ZWILCH: variants seen among roughly 807,000 people sequenced by gnomAD.
ZWILCH encodes the protein zwilch kinetochore protein, also known as protein zwilch homolog.
A neutral mutation model predicts 79.9 loss-of-function variants in ZWILCH; 74 were observed. The ratio of observed to expected loss-of-function variants is 0.93; its 90% confidence interval spans 0.77 to 1.12. The LOEUF (loss-of-function observed/expected upper bound fraction) is 1.12. Among genes scored for constraint, ZWILCH ranks in the 50% most tolerant of loss-of-function variants. The probability of loss-of-function intolerance (pLI) is 0.00; values close to 1 mark genes in which losing one functional copy is unlikely to be tolerated. For missense variants in ZWILCH, 694 were observed against 687.5 expected (o/e 1.01, Z -0.11); for synonymous variants, 241 against 228.2 (o/e 1.06, Z -0.51).
chr15:66,537,064 A>G (rs1895037407), intron 15 of ZWILCH, 104 bp from the exon 16 acceptor site: 13 of 700,988 alleles, frequency 1.9e-5, no homozygotes, highest in Admixed American at 5.2e-5. Flanking sequence ...TGTTTTAGTT[A>G]GTAGTACTCA....
intron 10 of ZWILCH, among the ~76,000 whole-genome samples, chr15:66,528,461 G>T (rs535638869): frequency 6.6e-6 from 1 of 152,238 alleles, no homozygotes; most frequent in South Asian, 2.1e-4. Flanking sequence ...TTGCTCAATT[G>T]CAGAGAAGTA....
intron 12 of ZWILCH, among the ~76,000 whole-genome samples, chr15:66,531,551 C>T (rs1430445566): frequency 5.9e-5 from 9 of 152,058 alleles, no homozygotes; most frequent in Non-Finnish European, 1.3e-4. Flanking sequence ...GCCTCTGCCT[C>T]CCAGGCTCAA....
At chr15:66,530,982 G>C (rs1894834689) in intron 12 of ZWILCH, among the ~76,000 whole-genome samples, 1 of 152,140 alleles carries the variant, frequency 6.6e-6, no homozygotes, top group African/African-American at 2.4e-5. Flanking sequence ...TGTACTATTA[G>C]TGCAAACAAA....
At chr15:66,529,900 TATAC>T (rs1894807814) in intron 12 of ZWILCH, among the ~76,000 whole-genome samples, 1 of 152,250 alleles carries the variant, frequency 6.6e-6, no homozygotes, top group African/African-American at 2.4e-5. Context: ...AGTATTCTCA[TATAC>T]TACTGATGAG....
At chr15:66,542,308 G>T (rs556742402) in intron 17 of ZWILCH, among the ~76,000 whole-genome samples, 1 of 152,080 alleles carries the variant, frequency 6.6e-6, no homozygotes, top group South Asian at 2.1e-4. Flanking sequence ...AAAAAAGGCC[G>T]GGCGCGGGGG....
At position 66,532,418 on chromosome 15, in the gene ZWILCH, TG is replaced by T; in HGVS notation, c.1312+17del. On this transcript the variant is annotated intron_variant, in intron 13 of 18. Coordinates refer to ENST00000307897, the MANE Select transcript of ZWILCH (RefSeq NM_017975.5). Reference sequence around the variant, plus strand: ...TTTTTTCATAGGTAAGTATCTTTCCTGGCTCAAAAAATTAAAAAACACATCA... The same window carrying T: ...TTTTTTCATAGGTAAGTATCTTTCCTGCTCAAAAAATTAAAAAACACATCA... 1 of 1,586,938 alleles carries T rather than the reference TG, an allele frequency of 6.3e-7. No individual in the cohort carries two copies. The highest frequency in any genetic ancestry group is 8.5e-7 in the Non-Finnish European group (1 of 1,170,266).
chr15:66,509,028 C>T (rs1893930212), intron 2 of ZWILCH, 136 bp downstream of exon 2: 1 of 871,236 alleles, frequency 1.1e-6, no homozygotes, highest in African/African-American at 1.7e-5. Context: ...CAAGCTCCGG[C>T]TCCCGGGTTC....
chr15:66,519,160 TA>T (rs1220981169), intron 5 of ZWILCH, 82 bp downstream of exon 5: 1 of 1,389,996 alleles, frequency 7.2e-7, no homozygotes, highest in Non-Finnish European at 1.0e-6. Flanking sequence ...CGAAAATTGA[TA>T]TTGTTATGAT....
In ZWILCH at chr15:66,523,748, T is replaced by C. The variant is rs1894583639; in HGVS notation, c.819T>C (p.Leu273=). The change falls in exon 8 of 19, where the codon CTT becomes CTC. Residue 273 remains leucine (L), a splice_region_variant and synonymous_variant. Coordinates refer to ENST00000307897, the MANE Select transcript of ZWILCH (RefSeq NM_017975.5). ...TCTACAGAGAACTGAAATTTCTTCTTGTGAGTATCCTTCTAGAATTCCTTT... is the reference window on the plus strand; with the variant it reads ...TCTACAGAGAACTGAAATTTCTTCTCGTGAGTATCCTTCTAGAATTCCTTT... The part of the protein sequence containing the change: ...NHLYRELKFL[L]VLADGLRTGV... The C allele has an allele frequency of 3.1e-6, 5 of 1,602,104 alleles. No homozygotes were observed. The South Asian group carries it at 3.3e-5, about 11-fold the overall frequency.
rs60304849 is a variant in ZWILCH at position 66,518,841 on chromosome 15, ATC to A, written c.321-34_321-33del. 0.014 allele frequency: 22,467 copies of A among 1,567,824 alleles called. 2,705 individuals carry two copies. The African/African-American group carries it at 0.27, about 19-fold the overall frequency. On this transcript the variant is annotated intron_variant, in intron 4 of 18. Transcript: ENST00000307897. ...AATTAAAGAAATTCTTGAATTGGAA[ATC>A]TCTATCTATAATTTGTCCTTACTCT...
chr15:66,528,272 T>A (rs1894746851), intron 10 of ZWILCH, among the ~76,000 whole-genome samples: 1 of 152,124 alleles, frequency 6.6e-6, no homozygotes, highest in South Asian at 2.1e-4. Flanking sequence ...TCTGGCTAAT[T>A]TTTAAATATT....
intron 5 of ZWILCH, 56 bp downstream of exon 5, chr15:66,519,134 G>A: frequency 1.3e-6 from 2 of 1,554,940 alleles, no homozygotes; most frequent in Non-Finnish European, 1.8e-6. Flanking sequence ...TATAGTTATT[G>A]TTTCATGTTT....
intron 13 of ZWILCH, 107 bp downstream of exon 13, chr15:66,532,510 TC>T (rs1894887933): frequency 1.1e-5 from 11 of 1,002,336 alleles, no homozygotes; most frequent in Non-Finnish European, 1.6e-5. Context: ...CTGTAGTCCT[TC>T]CTGGCTTTGT....
In ZWILCH at chr15:66,532,318, T is replaced by G. The variant is rs1894878278; in HGVS notation, c.1227T>G (p.Val409=). ...CTTATCATGGAACCATGGACACAGT[T>G]TCTCTCAGTGGGACTATTCCAGTTC... The part of the protein sequence containing the change: ...HQSYHGTMDT[V]SLSGTIPVQM... The change falls in exon 13 of 19, where the codon GTT becomes GTG. Residue 409 remains valine, a synonymous_variant. Transcript: ENST00000307897. 6.8e-6 allele frequency: 11 copies of G among 1,613,152 alleles called. No individual in the cohort carries two copies. The highest frequency in any genetic ancestry group is 8.5e-6 in the Non-Finnish European group (10 of 1,179,556).
intron 15 of ZWILCH, among the ~76,000 whole-genome samples, 194 bp from the exon 16 acceptor site, chr15:66,536,973 GA>G (rs1268024915): frequency 1.3e-5 from 2 of 151,924 alleles, no homozygotes; most frequent in African/African-American, 2.4e-5. Context: ...TGTTTTCAAA[GA>G]AAAAAACATA....
chr15:66,530,221 A>C (rs1894816123), intron 12 of ZWILCH, among the ~76,000 whole-genome samples: 1 of 152,260 alleles, frequency 6.6e-6, no homozygotes, highest in Non-Finnish European at 1.5e-5. Flanking sequence ...AGAAATGCTT[A>C]CAATATTTGA....
intron 5 of ZWILCH, among the ~76,000 whole-genome samples, chr15:66,520,197 T>C (rs1457089999): frequency 6.6e-6 from 1 of 152,086 alleles, no homozygotes; most frequent in Non-Finnish European, 1.5e-5. Flanking sequence ...CATGGCTCAC[T>C]GCAGCCTCGA....
At chr15:66,525,316 A>G (rs1894633750) in intron 8 of ZWILCH, among the ~76,000 whole-genome samples, 1 of 152,220 alleles carries the variant, frequency 6.6e-6, no homozygotes, top group Non-Finnish European at 1.5e-5. Flanking sequence ...AAGAGCTGGC[A>G]CAAGTTCATT....
chr15:66,514,081 G>A lies in ZWILCH; in HGVS notation c.199G>A (p.Val67Met), dbSNP rs1231015389. 6.2e-7 allele frequency: 1 copy of A among 1,604,952 alleles called. No homozygotes were observed. Residue 67 changes from valine to methionine, a missense_variant and splice_region_variant, in exon 3 of 19, where the codon GTG becomes ATG. Physicochemically the swap from Val to Met is conservative, Grantham distance 21. Coordinates refer to ENST00000307897, the MANE Select transcript of ZWILCH (RefSeq NM_017975.5). ...TGACATAGTATTCATAGTGGAAAAAGTGGTAAGTACTGGTTTGACTTTGTG... is the reference window on the plus strand; with the variant it reads ...TGACATAGTATTCATAGTGGAAAAAATGGTAAGTACTGGTTTGACTTTGTG... ...ENDIVFIVEK[V>M]PLEKEETSHI...
Sources: gnomAD v4.1 joint callset for allele counts (sites outside exome capture counted in the v4.1 genomes callset) on GRCh38, gnomAD v4.1.1 for gene constraint, MANE v1.5 for transcripts, NCBI Gene and HGNC (gene_info 2026-07-23, HGNC 2026-07-21) for gene names.